FBXL7: variants seen among roughly 807,000 people sequenced by gnomAD.
FBXL7 encodes the protein F-box/LRR-repeat protein 7.
FBXL7 carries 12 observed loss-of-function variants against 38.3 expected under a neutral mutation model. That is an observed-to-expected ratio of 0.31 (90% CI 0.20 to 0.51). The LOEUF is 0.51. Ranked by LOEUF, FBXL7 falls within the 20% of genes least tolerant of loss-of-function variation. The pLI, the probability that FBXL7 is intolerant of heterozygous loss-of-function variation, is 0.98. For synonymous variants in FBXL7, 297 were observed against 300.9 expected, an observed-to-expected ratio of 0.99 and a Z score of 0.13; for missense variants, 567 against 676.4, an observed-to-expected ratio of 0.84 and a Z score of 1.79.
At chr5:15,875,046 G>C (rs1740141417) in intron 2 of FBXL7, among the ~76,000 whole-genome samples, 1 of 152,172 alleles carries the variant, frequency 6.6e-6, no homozygotes, top group Non-Finnish European at 1.5e-5. Flanking sequence ...AAACAGCATA[G>C]TACTGGTACC....
chr5:15,713,328 A>G (rs1347680291), intron 2 of FBXL7, among the ~76,000 whole-genome samples: 5 of 152,184 alleles, frequency 3.3e-5, no homozygotes, highest in South Asian at 2.1e-4. Context: ...TGATTCAGCT[A>G]TCTCCCACTG....
intron 1 of FBXL7, among the ~76,000 whole-genome samples, chr5:15,513,200 A>G (rs1736847111): frequency 6.6e-6 from 1 of 152,234 alleles, no homozygotes; most frequent in Non-Finnish European, 1.5e-5. Context: ...ACATGCACAC[A>G]TACATGAGAA....
At chr5:15,853,781 T>G in intron 2 of FBXL7, among the ~76,000 whole-genome samples, 1 of 152,234 alleles carries the variant, frequency 6.6e-6, no homozygotes, top group South Asian at 2.1e-4. Context: ...CTAAAGAGTT[T>G]TGTGTTTGTG....
intron 2 of FBXL7, among the ~76,000 whole-genome samples, chr5:15,735,245 A>C (rs1735715490): frequency 6.6e-6 from 1 of 152,188 alleles, no homozygotes; most frequent in Admixed American, 6.6e-5. Context: ...TTTTAAAATC[A>C]TTTCTAGGTA....
intron 2 of FBXL7, among the ~76,000 whole-genome samples, chr5:15,632,018 G>A (rs962634669): frequency 1.3e-5 from 2 of 152,178 alleles, no homozygotes; most frequent in Admixed American, 6.5e-5. Context: ...TAAAGCTAAA[G>A]GCCGACTACT....
intron 1 of FBXL7, among the ~76,000 whole-genome samples, chr5:15,579,986 G>T (rs1254441169): frequency 6.6e-6 from 1 of 152,076 alleles, no homozygotes; most frequent in Non-Finnish European, 1.5e-5. Flanking sequence ...TTACTTCTGG[G>T]CATTTTATTG....
At chr5:15,719,365 C>G (rs1744133558) in intron 2 of FBXL7, among the ~76,000 whole-genome samples, 2 of 122,830 alleles carry the variant, frequency 1.6e-5, no homozygotes, top group African/African-American at 5.5e-5. Context: ...ATGAGCATCT[C>G]TGATGTTTCT....
At chr5:15,804,833 C>T (rs545117585) in intron 2 of FBXL7, among the ~76,000 whole-genome samples, 1 of 152,318 alleles carries the variant, frequency 6.6e-6, no homozygotes, top group East Asian at 1.9e-4. Context: ...ATCCCCAAAC[C>T]ATCCCCCTGC....
At chr5:15,854,872 C>T (rs767676928) in intron 2 of FBXL7, among the ~76,000 whole-genome samples, 2 of 152,158 alleles carry the variant, frequency 1.3e-5, no homozygotes, top group African/African-American at 4.8e-5. Context: ...TCATAACAGA[C>T]TCAGTCAAAC....
At chr5:15,876,404 A>T (rs1300354231) in intron 2 of FBXL7, among the ~76,000 whole-genome samples, 1 of 150,060 alleles carries the variant, frequency 6.7e-6, no homozygotes, top group African/African-American at 2.5e-5. Flanking sequence ...ATAATAATTA[A>T]AAAAAAAAGG....
chr5:15,771,135 G>A (rs17602783), intron 2 of FBXL7, among the ~76,000 whole-genome samples: 15,569 of 152,196 alleles, frequency 0.1, 1,075 homozygotes, highest in Non-Finnish European at 0.15. Context: ...TCACAGAGTC[G>A]GTCATTGGTG....
intron 2 of FBXL7, among the ~76,000 whole-genome samples, chr5:15,618,493 C>T (rs943837993): frequency 2.0e-5 from 3 of 152,056 alleles, no homozygotes; most frequent in African/African-American, 7.2e-5. Flanking sequence ...AAATGTATTT[C>T]AGGGATGTTT....
intron 1 of FBXL7, among the ~76,000 whole-genome samples, chr5:15,541,200 G>A (rs1181341205): frequency 6.6e-6 from 1 of 151,302 alleles, no homozygotes. Flanking sequence ...TTAAGAATGA[G>A]ACATTCCTAT....
intron 2 of FBXL7, among the ~76,000 whole-genome samples, chr5:15,846,882 A>G (rs1438398641): frequency 1.3e-5 from 2 of 152,262 alleles, no homozygotes; most frequent in Middle Eastern, 3.2e-3. Context: ...TTGTGAACAC[A>G]TGAAATTATG....
At chr5:15,724,215 T>C (rs2126655718) in intron 2 of FBXL7, among the ~76,000 whole-genome samples, 1 of 152,326 alleles carries the variant, frequency 6.6e-6, no homozygotes, top group East Asian at 1.9e-4. Context: ...TCTTTCATGC[T>C]CACAAAGGTG....
chr5:15,597,495 TAAAAAAAAAAAAAA>T (rs35742221), intron 1 of FBXL7, among the ~76,000 whole-genome samples: 2 of 114,912 alleles, frequency 1.7e-5, no homozygotes, highest in African/African-American at 6.5e-5. Context: ...TATCATTTTG[TAAAAAAAAAAAAAA>T]AAAAAAAAAA....
chr5:15,829,549 A>G (rs900053415), intron 2 of FBXL7, among the ~76,000 whole-genome samples: 8 of 152,158 alleles, frequency 5.3e-5, no homozygotes, highest in Non-Finnish European at 1.0e-4. Context: ...CTTTTTTTCC[A>G]TTCCTACATT....
At chr5:15,639,850 G>A (rs1286373181) in intron 2 of FBXL7, among the ~76,000 whole-genome samples, 1 of 152,040 alleles carries the variant, frequency 6.6e-6, no homozygotes, top group Non-Finnish European at 1.5e-5. Context: ...AGCTGGGGCC[G>A]AGGGAACACA....
intron 1 of FBXL7, among the ~76,000 whole-genome samples, chr5:15,544,373 C>T (rs1347106020): frequency 6.6e-6 from 1 of 152,232 alleles, no homozygotes; most frequent in Non-Finnish European, 1.5e-5. Context: ...CATGAGAACT[C>T]ACTGGAAATA....
Sources: gnomAD v4.1 joint callset for allele counts (sites outside exome capture counted in the v4.1 genomes callset) on GRCh38, gnomAD v4.1.1 for gene constraint, MANE v1.5 for transcripts, NCBI Gene and HGNC (gene_info 2026-07-23, HGNC 2026-07-21) for gene names.